The following MYRIP variants were observed in gnomAD, a reference collection of about 807,000 sequenced individuals.
The protein encoded by MYRIP is rab effector MyRIP.
In MYRIP, 49 loss-of-function variants were observed where a neutral mutation model predicts 98.0. The ratio of observed to expected loss-of-function variants is 0.50; its 90% CI spans 0.40 to 0.63. MYRIP has a LOEUF of 0.63. Ranked by LOEUF, MYRIP falls within the 30% of genes least tolerant of loss-of-function variation. MYRIP has a pLI of 0.00. For synonymous variants in MYRIP, 404 were observed against 409.5 expected, an observed-to-expected ratio of 0.99 and a Z score of 0.16; for missense variants, 1,004 against 1,058.2, an observed-to-expected ratio of 0.95 and a Z score of 0.71.
chr3:39,898,167 G>C (rs1463477021), intron 1 of MYRIP, among the ~76,000 whole-genome samples: 1 of 152,088 alleles, frequency 6.6e-6, no homozygotes, highest in East Asian at 1.9e-4. Context: ...CTGAAACCTA[G>C]TGCAAGTACA....
At chr3:40,108,174 T>TGAGAGAGAGAGAGAGAGAGAGAGAGA in intron 3 of MYRIP, among the ~76,000 whole-genome samples, 1 of 138,308 alleles carries the variant, frequency 7.2e-6, no homozygotes, top group African/African-American at 2.7e-5. Flanking sequence ...GCAGTGTTTG[T>TGAGAGAGAGAGAGAGAGAGAGAGAGA]GAGAGAGAGA....
At chr3:40,202,101 A>G (rs749674978) in intron 10 of MYRIP, among the ~76,000 whole-genome samples, 10 of 152,222 alleles carry the variant, frequency 6.6e-5, no homozygotes, top group Non-Finnish European at 1.0e-4. Flanking sequence ...CTAAAATAAA[A>G]TCTAAAAGCA....
chr3:39,871,073 C>T (rs550471136), intron 1 of MYRIP, among the ~76,000 whole-genome samples: 4 of 152,338 alleles, frequency 2.6e-5, no homozygotes, highest in East Asian at 1.9e-4. Context: ...CAATGACACA[C>T]GCCTCTGGGA....
At chr3:40,135,839 A>AT (rs1311831126) in intron 3 of MYRIP, among the ~76,000 whole-genome samples, 1 of 152,220 alleles carries the variant, frequency 6.6e-6, no homozygotes, top group Non-Finnish European at 1.5e-5. Context: ...ATGCTGAGAG[A>AT]TTTTGTCACC....
intron 3 of MYRIP, among the ~76,000 whole-genome samples, chr3:40,147,017 C>T (rs1413117304): frequency 6.6e-6 from 1 of 152,078 alleles, no homozygotes; most frequent in Non-Finnish European, 1.5e-5. Context: ...ATTTCAGATC[C>T]CCAACTCCTT....
At chr3:40,098,869 C>A (rs1948885299) in intron 3 of MYRIP, among the ~76,000 whole-genome samples, 1 of 147,212 alleles carries the variant, frequency 6.8e-6, no homozygotes, top group African/African-American at 2.5e-5. Flanking sequence ...GCAAAACAAA[C>A]AGCTATCTCC....
intron 2 of MYRIP, among the ~76,000 whole-genome samples, chr3:39,932,302 TTGGAAGATGCC>T (rs1477660150): frequency 6.6e-6 from 1 of 152,090 alleles, no homozygotes; most frequent in East Asian, 1.9e-4. Context: ...GAACAGGAGT[TTGGAAGATGCC>T]TCCAAAGTGG....
intron 1 of MYRIP, among the ~76,000 whole-genome samples, chr3:39,850,234 C>G (rs1229729301): frequency 6.6e-6 from 1 of 152,270 alleles, no homozygotes; most frequent in Admixed American, 6.5e-5. Flanking sequence ...CAAGCATTCT[C>G]TGGCTCCTGC....
intron 2 of MYRIP, among the ~76,000 whole-genome samples, chr3:39,903,359 CT>C (rs1211214752): frequency 6.6e-6 from 1 of 152,082 alleles, no homozygotes; most frequent in Non-Finnish European, 1.5e-5. Flanking sequence ...TAATAGAAGA[CT>C]TTTTTAAATT....
intron 1 of MYRIP, among the ~76,000 whole-genome samples, chr3:39,836,037 A>T (rs1192657640): frequency 6.6e-6 from 1 of 152,198 alleles, no homozygotes; most frequent in Non-Finnish European, 1.5e-5. Flanking sequence ...TATTGTGAAT[A>T]GTGCTGCAGT....
chr3:40,067,530 G>A (rs189590710), intron 3 of MYRIP, among the ~76,000 whole-genome samples: 2 of 152,286 alleles, frequency 1.3e-5, no homozygotes, highest in African/African-American at 4.8e-5. Flanking sequence ...TACCAGGAGG[G>A]TTCTGTTGAG....
intron 11 of MYRIP, among the ~76,000 whole-genome samples, chr3:40,217,512 T>C (rs1162160653): frequency 6.6e-6 from 1 of 152,174 alleles, no homozygotes; most frequent in African/African-American, 2.4e-5. Context: ...ATGTTTGACA[T>C]GGTAGGAAAT....
Position 40,193,558 on chromosome 3 carries a change from A to T in MYRIP, c.1665+3095A>T, listed in dbSNP as rs931474197. 3.9e-4 allele frequency among the ~76,000 whole-genome samples: 60 copies of T among 152,236 alleles called. 1 individual carries two copies. The highest frequency in any genetic ancestry group is 3.9e-3 in the Admixed American group (60 of 15,284). On this transcript the variant is annotated intron_variant, in intron 10 of 16. Coordinates refer to ENST00000302541, the MANE Select transcript of MYRIP (RefSeq NM_015460.4). ...AATACCGCAGAGAGTATTGTAGCAT[A>T]AACCTCTTTATACAAGTATGAGAAG...
At position 40,043,183 on chromosome 3, in the gene MYRIP, G is replaced by C. The variant is rs576678565; in HGVS notation, c.111-867G>C. Among the ~76,000 whole-genome samples, 184 of 152,254 alleles carry C rather than the reference G, an allele frequency of 1.2e-3. 4 individuals carry two copies. In the South Asian group the frequency reaches 0.036, roughly 30 times the overall value. Reference sequence around the variant, plus strand: ...CAGTAGGAAAATAGTAAAAGTAGTAGTCTAGTAATATAGTACTAAAATAGT... The same window carrying C: ...CAGTAGGAAAATAGTAAAAGTAGTACTCTAGTAATATAGTACTAAAATAGT... On this transcript the variant is annotated intron_variant, in intron 2 of 16. Transcript: ENST00000302541.
chr3:39,825,523 T>C (rs1169247971), intron 1 of MYRIP, among the ~76,000 whole-genome samples: 1 of 152,230 alleles, frequency 6.6e-6, no homozygotes, highest in Non-Finnish European at 1.5e-5. Flanking sequence ...GAACCATCGC[T>C]GTATCCTTGA....
intron 1 of MYRIP, among the ~76,000 whole-genome samples, chr3:39,845,415 A>G (rs1342650214): frequency 6.6e-6 from 1 of 152,042 alleles, no homozygotes; most frequent in Non-Finnish European, 1.5e-5. Context: ...TTATTTTCTC[A>G]TTTTTTAAAT....
At chr3:40,222,623 G>A (rs1000433800) in intron 11 of MYRIP, among the ~76,000 whole-genome samples, 4 of 151,150 alleles carry the variant, frequency 2.6e-5, no homozygotes, top group Non-Finnish European at 1.5e-5. Context: ...AAAGTGAGGG[G>A]ATAGTGGAAT....
At chr3:39,871,987 A>G (rs1942804390) in intron 1 of MYRIP, among the ~76,000 whole-genome samples, 1 of 152,044 alleles carries the variant, frequency 6.6e-6, no homozygotes, top group African/African-American at 2.4e-5. Context: ...CACACACCAT[A>G]GATGCTTGAA....
intron 3 of MYRIP, among the ~76,000 whole-genome samples, chr3:40,051,188 CT>C (rs756949862): frequency 4.1e-4 from 63 of 152,170 alleles, no homozygotes; most frequent in Admixed American, 7.9e-4. Context: ...ACAGAGAACT[CT>C]TTCATGAAAG....
Sources: allele counts gnomAD v4.1 joint callset (sites outside exome capture counted in the v4.1 genomes callset), GRCh38; gene constraint gnomAD v4.1.1; transcripts MANE v1.5; gene names NCBI Gene and HGNC (gene_info 2026-07-23, HGNC 2026-07-21).